Variants in NSMAF observed in about 807,000 individuals in gnomAD.
NSMAF encodes protein FAN.
A neutral mutation model predicts 134.9 loss-of-function variants in NSMAF; 90 were observed. The observed-to-expected ratio is 0.67, with a 90% CI of 0.56 to 0.79. The LOEUF (loss-of-function observed/expected upper bound fraction) is 0.79. Ranked by LOEUF, NSMAF falls within the 30% of genes least tolerant of loss-of-function variation. The probability of loss-of-function intolerance (pLI) is 0.00; values close to 1 mark genes in which losing one functional copy is unlikely to be tolerated. For synonymous variants in NSMAF, 358 were observed against 389.6 expected (o/e 0.92, Z 0.96); for missense variants, 1,010 against 1,119.0 (o/e 0.90, Z 1.39).
intron 1 of NSMAF, chr8:58,659,341 C>A (rs1366145555): frequency 2.5e-5 from 38 of 1,527,312 alleles, no homozygotes; most frequent in Non-Finnish European, 3.3e-5. Flanking sequence ...TGGCCTGGCC[C>A]GTCATCCAGT....
chr8:58,628,989 T>A (rs1035939930), intron 6 of NSMAF, among the ~76,000 whole-genome samples: 5 of 152,218 alleles, frequency 3.3e-5, no homozygotes, highest in African/African-American at 1.2e-4. Flanking sequence ...TTACTTCTGA[T>A]AATCTGATTA....
intron 1 of NSMAF, among the ~76,000 whole-genome samples, chr8:58,654,380 A>G (rs1332159434): frequency 6.6e-6 from 1 of 152,110 alleles, no homozygotes; most frequent in Non-Finnish European, 1.5e-5. Flanking sequence ...GAGAAACCCC[A>G]TCTCTACTAA....
intron 1 of NSMAF, among the ~76,000 whole-genome samples, chr8:58,643,315 T>C (rs1188856211): frequency 3.3e-5 from 5 of 152,200 alleles, no homozygotes; most frequent in Non-Finnish European, 7.3e-5. Flanking sequence ...GTGGATGTAC[T>C]ACTCTTTTAC....
intron 9 of NSMAF, among the ~76,000 whole-genome samples, chr8:58,620,807 G>C: frequency 6.6e-6 from 1 of 152,170 alleles, no homozygotes; most frequent in East Asian, 1.9e-4. Flanking sequence ...TTAGACCGAG[G>C]AGAGCTAATG....
chr8:58,597,333 C>T (rs1282002430), intron 21 of NSMAF, 54 bp downstream of exon 21: 28 of 1,488,504 alleles, frequency 1.9e-5, no homozygotes, highest in Non-Finnish European at 2.6e-5. Flanking sequence ...GAAACATTTT[C>T]ATCACAGAAG....
At chr8:58,614,096 A>G (rs1305367864) in intron 9 of NSMAF, among the ~76,000 whole-genome samples, 2 of 152,214 alleles carry the variant, frequency 1.3e-5, no homozygotes, top group Non-Finnish European at 2.9e-5. Context: ...TGATGTCCTC[A>G]CAATGACCAT....
chr8:58,645,217 T>C (rs1807418727), intron 1 of NSMAF, among the ~76,000 whole-genome samples: 3 of 152,066 alleles, frequency 2.0e-5, no homozygotes, highest in Non-Finnish European at 2.9e-5. Flanking sequence ...CCCCAATTCT[T>C]TTCCTGATGG....
rs1439517673 is a variant in NSMAF at position 58,659,628 on chromosome 8, C to G, written c.4G>C (p.Ala2Pro). 1 of 1,463,888 alleles carries G rather than the reference C, an allele frequency of 6.8e-7. No homozygotes were observed. Among genetic ancestry groups the G allele is most frequent in the Non-Finnish European group, 9.0e-7 (1 of 1,110,248 alleles). 90.7% of individuals were successfully genotyped at this position (1,463,888 alleles called of 1,614,324 possible). A position where few individuals can be genotyped will look rare whatever the true frequency, so the allele number is the denominator to read the frequency against. Residue 2 changes from alanine to proline, a missense_variant, in exon 1 of 31, where the codon GCG becomes CCG. Transcript: ENST00000038176. ...TCCTGCTGCTTCTTCCGGATAAACGCCATGGAGGGTAGGCGCGGGCGGGCG... is the reference window on the plus strand; with the variant it reads ...TCCTGCTGCTTCTTCCGGATAAACGGCATGGAGGGTAGGCGCGGGCGGGCG... M[A>P]FIRKKQQEQQ...
Position 58,645,112 on chromosome 8 carries a change from T to C in NSMAF, c.60-2039A>G, listed in dbSNP as rs62512001. The stretch of plus-strand genomic sequence containing the variant: ...ATGTACTCCAGAACTTAAAGTATAA[T>C]TAAAAAAAAAAAAAAAAGAAATTGC... On this transcript the variant is annotated intron_variant, in intron 1 of 30. Transcript: ENST00000038176. 2.7e-4 allele frequency among the ~76,000 whole-genome samples: 38 copies of C among 141,310 alleles called. 1 individual carries two copies. Among genetic ancestry groups the C allele is most frequent in the African/African-American group, 7.6e-4 (28 of 36,626 alleles). 92.7% of individuals were successfully genotyped at this position (141,310 alleles called of 152,430 possible).
At chr8:58,659,548 G>T in intron 1 of NSMAF, 25 bp downstream of exon 1, 1 of 1,524,616 alleles carries the variant, frequency 6.6e-7, no homozygotes, top group Non-Finnish European at 8.8e-7. Flanking sequence ...CCCCCGGCTG[G>T]GCCCTTCTTC....
At chr8:58,619,379 T>A (rs1162117582) in intron 9 of NSMAF, among the ~76,000 whole-genome samples, 2 of 152,164 alleles carry the variant, frequency 1.3e-5, no homozygotes, top group African/African-American at 4.8e-5. Flanking sequence ...AACATAAGCT[T>A]CTAGCAAAAG....
intron 30 of NSMAF, among the ~76,000 whole-genome samples, chr8:58,584,971 G>A (rs775673525): frequency 5.9e-5 from 9 of 152,158 alleles, no homozygotes; most frequent in South Asian, 2.1e-4. Context: ...ATATGAAGTC[G>A]AGTGACACAG....
chr8:58,596,583 T>C (rs1806140041), intron 21 of NSMAF, among the ~76,000 whole-genome samples: 1 of 152,176 alleles, frequency 6.6e-6, no homozygotes. Context: ...TAAATGTTTG[T>C]CAAATGTTAA....
At chr8:58,655,851 G>T (rs149643936) in intron 1 of NSMAF, among the ~76,000 whole-genome samples, 16,834 of 151,434 alleles carry the variant, frequency 0.11, 984 homozygotes, top group African/African-American at 0.14. Flanking sequence ...AACTTGCAGT[G>T]GGCTGAGATC....
intron 9 of NSMAF, among the ~76,000 whole-genome samples, chr8:58,621,481 G>T (rs538123425): frequency 1.3e-5 from 2 of 152,190 alleles, no homozygotes; most frequent in South Asian, 4.2e-4. Context: ...CGCAATCATG[G>T]GACTGCTGGG....
chr8:58,627,718 CACAA>C (rs1224535336), intron 6 of NSMAF, among the ~76,000 whole-genome samples: 1 of 152,104 alleles, frequency 6.6e-6, no homozygotes, highest in Non-Finnish European at 1.5e-5. Flanking sequence ...TCATAGATGA[CACAA>C]ACAAATGGAA....
intron 9 of NSMAF, 91 bp downstream of exon 9, chr8:58,623,129 A>G: frequency 2.0e-6 from 2 of 993,612 alleles, no homozygotes; most frequent in Middle Eastern, 3.2e-4. Flanking sequence ...GGTGAGACCA[A>G]TGATGACAGC....
chr8:58,625,412 A>ATGTATGTATGTATGTATG (rs1184727881), intron 6 of NSMAF, among the ~76,000 whole-genome samples: 1 of 152,134 alleles, frequency 6.6e-6, no homozygotes, highest in Non-Finnish European at 1.5e-5. Context: ...GTATGTATGT[A>ATGTATGTATGTATGTATG]TGTATATATA....
intron 9 of NSMAF, among the ~76,000 whole-genome samples, chr8:58,610,590 AC>A (rs1453506801): frequency 1.3e-5 from 2 of 152,190 alleles, no homozygotes; most frequent in African/African-American, 4.8e-5. Flanking sequence ...ACCTAAATGA[AC>A]ATGATTGCAA....
Sources: allele counts gnomAD v4.1 joint callset (sites outside exome capture counted in the v4.1 genomes callset), GRCh38; gene constraint gnomAD v4.1.1; transcripts MANE v1.5; gene names NCBI Gene and HGNC (gene_info 2026-07-23, HGNC 2026-07-21).